The following PTPRS variants were observed in gnomAD, a reference collection of about 807,000 sequenced individuals.
The protein encoded by PTPRS is receptor-type tyrosine-protein phosphatase S.
A neutral mutation model predicts 215.3 loss-of-function variants in PTPRS; 63 were observed. That is an observed-to-expected ratio of 0.29 (90% CI 0.24 to 0.36). The LOEUF is 0.36. Ranked by LOEUF, PTPRS falls within the 10% of genes least tolerant of loss-of-function variation. The pLI is 1.00. For synonymous variants in PTPRS, 1,404 were observed against 1,191.4 expected, an observed-to-expected ratio of 1.18 and a Z score of -3.68; for missense variants, 2,258 against 2,825.8, an observed-to-expected ratio of 0.80 and a Z score of 4.56.
chr19:5,206,451 C>CCTCCTCTGGTT lies in PTPRS; in HGVS notation c.*312_*322dup, dbSNP rs1157002448. ...GGTCCGTCTATGGTCTGTGCCCCAC[C>CCTCCTCTGGTT]CTCCTCTGGTTCTGGGGAGCACTCC... On this transcript the variant is annotated 3_prime_UTR_variant, in exon 38 of 38. Transcript: ENST00000262963. 1 of 385,694 alleles carries CCTCCTCTGGTT rather than the reference C, an allele frequency of 2.6e-6. No homozygotes were observed. Among genetic ancestry groups the CCTCCTCTGGTT allele is most frequent in the African/African-American group, 2.1e-5 (1 of 48,580 alleles). 23.9% of individuals were successfully genotyped at this position (385,694 alleles called of 1,614,324 possible). A position where few individuals can be genotyped will look rare whatever the true frequency, so the allele number is the denominator to read the frequency against.
chr19:5,214,528 AG>A, intron 29 of PTPRS, 32 bp downstream of exon 29: 2 of 1,612,170 alleles, frequency 1.2e-6, no homozygotes, highest in Non-Finnish European at 1.7e-6. Flanking sequence ...GCTGACTGGC[AG>A]GGGCTTGAGG....
In PTPRS at chr19:5,239,001, C is replaced by T. The variant is rs1212524728; in HGVS notation, c.1767G>A (p.Glu589=). 7 of 1,613,362 alleles carry T rather than the reference C, an allele frequency of 4.3e-6. No individual in the cohort carries two copies. The African/African-American group carries it at 9.3e-5, about 22-fold the overall frequency. The change falls in exon 13 of 38, where the codon GAG becomes GAA. Residue 589 remains glutamate (E), a synonymous_variant. Transcript: ENST00000262963. The stretch of plus-strand genomic sequence containing the variant: ...AGCGGGCCGCCAGGCGGAAGGCGTA[C>T]TCCGTGTTGGGCTTCAGGTCCTCCA... The part of the protein sequence containing the change: ...YVVEDLKPNT[E]YAFRLAARSP...
Position 5,214,681 on chromosome 19 carries a change from C to T in PTPRS, c.4374G>A (p.Gln1458=). Residue 1458 remains glutamine, a synonymous_variant, in exon 29 of 38, where the codon CAG becomes CAA. Coordinates refer to ENST00000262963, the MANE Select transcript of PTPRS (RefSeq NM_002850.4). ...NANYVDGYRC[Q]NAYIATQGPL... is the part of the protein sequence containing the mutation. ...GCCCCTGCGTGGCAATGTACGCGTT[C>T]TGACACCGGTAGCCGTCCACGTAGT... The T allele has an allele frequency of 1.2e-6, 2 of 1,612,980 alleles. No individual in the cohort carries two copies. Among genetic ancestry groups the T allele is most frequent in the Non-Finnish European group, 1.7e-6 (2 of 1,179,814 alleles).
Position 5,295,683 on chromosome 19 carries a change from C to T in PTPRS, c.-94-9449G>A, listed in dbSNP as rs564194358. ...CCAGCCTCACCCAGGAGAGCCCCTC[C>T]GACCTTATTCTCCTCCAAAGGCCAC... On this transcript the variant is annotated intron_variant, in intron 1 of 37. Transcript: ENST00000262963. The surrounding 1 kb of genome is among the most constrained non-coding windows in gnomAD (Gnocchi z 4.6). Among the ~76,000 whole-genome samples, 146 of 152,346 alleles carry T rather than the reference C, an allele frequency of 9.6e-4. 3 individuals are homozygous for T. Among genetic ancestry groups the T allele is most frequent in the Admixed American group, 7.7e-3 (118 of 15,306 alleles).
At position 5,231,299 on chromosome 19, in the gene PTPRS, C is replaced by G; in HGVS notation, c.2155+11G>C. 1.3e-6 allele frequency: 2 copies of G among 1,595,244 alleles called. No homozygotes were observed. The highest frequency in any genetic ancestry group is 1.7e-6 in the Non-Finnish European group (2 of 1,173,838). On this transcript the variant is annotated intron_variant, in intron 14 of 37. Coordinates refer to ENST00000262963, the MANE Select transcript of PTPRS (RefSeq NM_002850.4). ...CCTGCGGGGGGTCCCGGGCCTGGGGCAGGTACTTACCATCCTCGTCGGTGC... is the reference window on the plus strand; with the variant it reads ...CCTGCGGGGGGTCCCGGGCCTGGGGGAGGTACTTACCATCCTCGTCGGTGC...
intron 19 of PTPRS, 94 bp downstream of exon 19, chr19:5,222,029 C>T: frequency 2.0e-6 from 2 of 1,018,314 alleles, no homozygotes; most frequent in Admixed American, 1.7e-5. Context: ...CCTGATCCCT[C>T]ACTTCACACC....
chr19:5,246,518 G>A (rs1486176034), intron 9 of PTPRS, among the ~76,000 whole-genome samples: 1 of 152,196 alleles, frequency 6.6e-6, no homozygotes, highest in Non-Finnish European at 1.5e-5. Context: ...GATCACTCCC[G>A]AATGGGGGCA....
chr19:5,282,903 C>T (rs1020634665), intron 2 of PTPRS, among the ~76,000 whole-genome samples: 7 of 152,052 alleles, frequency 4.6e-5, no homozygotes, highest in Admixed American at 1.3e-4. Context: ...TTGAAAATCA[C>T]GCAGGCTGGA....
Position 5,212,435 on chromosome 19 carries a change from G to A in PTPRS, c.4671C>T (p.Asp1557=), listed in dbSNP as rs968107431. ...GCGTTGGGTATTCGGGCACGCCATG[G>A]TCCGGCCACGCCGTAAACTGGAACT... is the stretch of plus-strand genomic sequence containing the variant. ...VRQFQFTAWP[D]HGVPEYPTPF... The change falls in exon 31 of 38, where the codon GAC becomes GAT. Residue 1557 remains aspartate (D), a synonymous_variant. Transcript: ENST00000262963. 1.9e-6 allele frequency: 3 copies of A among 1,600,206 alleles called. No homozygotes were observed. Among genetic ancestry groups the A allele is most frequent in the Admixed American group, 3.5e-5 (2 of 57,964 alleles).
chr19:5,263,962 G>A (rs2046218612), intron 5 of PTPRS, among the ~76,000 whole-genome samples: 1 of 152,220 alleles, frequency 6.6e-6, no homozygotes, highest in South Asian at 2.1e-4. Context: ...ATGTCGTGAA[G>A]CGGGGGGACA....
At position 5,261,688 on chromosome 19, in the gene PTPRS, G is replaced by A. The variant is rs550364012; in HGVS notation, c.578-866C>T. On this transcript the variant is annotated intron_variant, in intron 6 of 37. Transcript: ENST00000262963. Reference sequence around the variant, plus strand: ...CGTGGCCCAAACCCATTTTGCAGACGGGCCAACTGAGGCTCAGAGGGGAAT... The same window carrying A: ...CGTGGCCCAAACCCATTTTGCAGACAGGCCAACTGAGGCTCAGAGGGGAAT... 6.6e-5 allele frequency among the ~76,000 whole-genome samples: 10 copies of A among 152,300 alleles called. No homozygotes were observed. In the South Asian group the frequency reaches 8.3e-4, roughly 13 times the overall value.
At position 5,220,317 on chromosome 19, in the gene PTPRS, A is replaced by G; in HGVS notation, c.3492T>C (p.Ser1164=). ...YFIVMVPLRK[S]RGGQFLTPLG... ...GCGGGGTCAGGAATTGGCCTCCACG[A>G]GACTTGCGCAGTGGCACCATCACAA... The change falls in exon 21 of 38, where the codon TCT becomes TCC. Residue 1164 remains serine (S), a synonymous_variant. Coordinates refer to ENST00000262963, the MANE Select transcript of PTPRS (RefSeq NM_002850.4). 1 of 1,614,026 alleles carries G rather than the reference A, an allele frequency of 6.2e-7. No individual in the cohort carries two copies. Among genetic ancestry groups the G allele is most frequent in the Non-Finnish European group, 8.5e-7 (1 of 1,180,002 alleles).
intron 1 of PTPRS, among the ~76,000 whole-genome samples, chr19:5,311,497 C>T (rs549104225): frequency 1.3e-5 from 2 of 152,252 alleles, no homozygotes; most frequent in South Asian, 2.1e-4. Flanking sequence ...AAGGACACGA[C>T]GGTTGTTTTC....
rs1006134929 is a variant in PTPRS at position 5,295,158 on chromosome 19, C to T, written c.-94-8924G>A. ...GATGCCCCGTGTGTCAAGAAAGCAC[C>T]CGTACCTCTCGGGCCGACAGTTTCC... On this transcript the variant is annotated intron_variant, in intron 1 of 37. Coordinates refer to ENST00000262963, the MANE Select transcript of PTPRS (RefSeq NM_002850.4). This position sits in a 1 kb window ranked among gnomAD's most constrained non-coding sequence, Gnocchi z 4.6. 9.2e-4 allele frequency among the ~76,000 whole-genome samples: 140 copies of T among 152,338 alleles called. No individual in the cohort carries two copies. Among genetic ancestry groups the T allele is most frequent in the African/African-American group, 3.2e-3 (135 of 41,576 alleles).
chr19:5,248,325 T>A, intron 9 of PTPRS, among the ~76,000 whole-genome samples: 3 of 138,714 alleles, frequency 2.2e-5, no homozygotes, highest in African/African-American at 2.7e-5. Flanking sequence ...AAAGAGAGAA[T>A]CTAAAAAACA....
intron 9 of PTPRS, 120 bp from the exon 10 acceptor site, chr19:5,246,165 A>C (rs1253481792): frequency 3.8e-6 from 2 of 524,518 alleles, no homozygotes; most frequent in East Asian, 7.0e-5. Context: ...GAAAGAAAGA[A>C]GGAAAGAAAG....
chr19:5,222,198 C>G lies in PTPRS; in HGVS notation c.3126G>C (p.Val1042=). 1 of 1,613,918 alleles carries G rather than the reference C, an allele frequency of 6.2e-7. No homozygotes were observed. ...GAACTGATGTCTTCATGATCATTTT[C>G]ACCTTGAAGTTCTTGGGCGAGACTG... ...RDQVSPKNFK[V]KMIMKTSVLL... is the part of the protein sequence containing the mutation. The change falls in exon 19 of 38, where the codon GTG becomes GTC. Residue 1042 remains valine (V), a synonymous_variant. Transcript: ENST00000262963.
At chr19:5,238,237 C>A (rs1243554862) in intron 13 of PTPRS, among the ~76,000 whole-genome samples, 1 of 152,086 alleles carries the variant, frequency 6.6e-6, no homozygotes, top group Non-Finnish European at 1.5e-5. Flanking sequence ...TGGCGGTGAC[C>A]CACAGCCAAC....
rs535165724 is a variant in PTPRS, at chr19:5,312,041, C to T, written c.-94-25807G>A. Reference sequence around the variant, plus strand: ...TGGGAGACACAGCGAGACTCCGTCTCAAAAAAAAAAAAAAGAAAGAAATAC... The same window carrying T: ...TGGGAGACACAGCGAGACTCCGTCTTAAAAAAAAAAAAAAGAAAGAAATAC... On this transcript the variant is annotated intron_variant, in intron 1 of 37. Transcript: ENST00000262963. Among the ~76,000 whole-genome samples, 7 of 116,076 alleles carry T rather than the reference C, an allele frequency of 6.0e-5. No individual in the cohort carries two copies. The East Asian group carries it at 1.7e-3, about 28-fold the overall frequency. 76.2% of individuals were successfully genotyped at this position (116,076 alleles called of 152,430 possible).
Sources: gnomAD v4.1 joint callset for allele counts (sites outside exome capture counted in the v4.1 genomes callset) on GRCh38, gnomAD v4.1.1 for gene constraint, Gnocchi (gnomAD v3.1) non-coding constraint, MANE v1.5 for transcripts, NCBI Gene and HGNC (gene_info 2026-07-23, HGNC 2026-07-21) for gene names.